RALGDS: variants seen among roughly 807,000 people sequenced by gnomAD.
RALGDS encodes ral guanine nucleotide exchange factor.
Under a neutral mutation model 99.8 loss-of-function variants are expected in RALGDS, and 44 were observed. That is an observed-to-expected ratio of 0.44 (90% confidence interval 0.35 to 0.57). The LOEUF (loss-of-function observed/expected upper bound fraction) is 0.57. RALGDS is among the 20% of genes least tolerant of loss of function. The pLI is 0.01. For missense variants in RALGDS, 1,022 were observed against 1,203.1 expected (o/e 0.85, Z 2.23); for synonymous variants, 529 against 505.0 (o/e 1.05, Z -0.64).
intron 1 of RALGDS, among the ~76,000 whole-genome samples, chr9:133,116,031 G>A (rs557169354): frequency 2.8e-4 from 42 of 152,360 alleles, no homozygotes; most frequent in Non-Finnish European, 4.6e-4. Flanking sequence ...GACAGGAGCC[G>A]GTGGGGCGTG....
intron 1 of RALGDS, among the ~76,000 whole-genome samples, chr9:133,143,738 CAAT>C (rs747330308): frequency 0.025 from 2,685 of 108,042 alleles, 52 homozygotes; most frequent in African/African-American, 0.043. Context: ...GACCCTGTCT[CAAT>C]AATAATAATA....
intron 7 of RALGDS, 36 bp downstream of exon 7, chr9:133,107,049 G>A (rs376868776): frequency 1.2e-6 from 2 of 1,608,054 alleles, no homozygotes; most frequent in Non-Finnish European, 1.7e-6. Flanking sequence ...AACAGATGAA[G>A]CCAAAGTGGG....
chr9:133,108,514 C>T (rs938415167), intron 5 of RALGDS, 108 bp from the exon 6 acceptor site: 29 of 1,425,136 alleles, frequency 2.0e-5, no homozygotes, highest in Non-Finnish European at 2.7e-5. Context: ...ACCCACAAAA[C>T]GTGTACCAGG....
At chr9:133,118,722 T>C (rs1387852972) in intron 1 of RALGDS, among the ~76,000 whole-genome samples, 1 of 152,226 alleles carries the variant, frequency 6.6e-6, no homozygotes, top group African/African-American at 2.4e-5. Flanking sequence ...ACTGCTCACC[T>C]GACCTCAGGG....
chr9:133,105,825 G>GGCCC, intron 9 of RALGDS, 107 bp downstream of exon 9: 20 of 87,568 alleles, frequency 2.3e-4, no homozygotes, highest in South Asian at 6.7e-4. Flanking sequence ...CGCCGCCCCA[G>GGCCC]CCCCCGCCCC....
chr9:133,130,968 C>T, exon 1 of RALGDS: 1 of 1,535,516 alleles, frequency 6.5e-7, no homozygotes, highest in Non-Finnish European at 8.7e-7. Flanking sequence ...GGGAACCTGG[C>T]CGGGTGGATG....
intron 1 of RALGDS, among the ~76,000 whole-genome samples, chr9:133,120,394 G>T (rs1440163174): frequency 6.6e-6 from 1 of 151,010 alleles, no homozygotes; most frequent in Non-Finnish European, 1.5e-5. Flanking sequence ...CTGGTCCCAC[G>T]TGTTGGAGGC....
Position 133,106,202 on chromosome 9 carries a change from T to G in RALGDS, c.1518-186A>C, listed in dbSNP as rs181382700. 6.1e-3 allele frequency among the ~76,000 whole-genome samples: 930 copies of G among 151,794 alleles called. 11 individuals are homozygous for G. Among genetic ancestry groups the G allele is most frequent in the African/African-American group, 0.022 (891 of 41,270 alleles). On this transcript the variant is annotated intron_variant, in intron 8 of 17. Coordinates refer to ENST00000372050, the MANE Select transcript of RALGDS (RefSeq NM_006266.4). The stretch of plus-strand genomic sequence containing the variant: ...TTCATGTTGGTGCAACAGGACCCCA[T>G]TCCCGTTTCCACTGAGCAGCTATTT...
Position 133,101,952 on chromosome 9 carries a change from C to G in RALGDS, c.2197G>C (p.Gly733Arg). ...NISFVPESPD[G>R]QEKKFWESAS... ...CAGGCAGTCACCTTCTTTTCCTGGC[C>G]ATCAGGAGACTCCGGGACGAAGCTG... Residue 733 changes from glycine (G) to arginine (R), a missense_variant, in exon 15 of 18, where the codon GGC becomes CGC. Coordinates refer to ENST00000372050, the MANE Select transcript of RALGDS (RefSeq NM_006266.4). The G allele has an allele frequency of 6.4e-7, 1 of 1,551,220 alleles. No homozygotes were observed. Among genetic ancestry groups the G allele is most frequent in the Non-Finnish European group, 8.7e-7 (1 of 1,147,084 alleles).
In RALGDS at chr9:133,107,204, C is replaced by T. The variant is rs1368400620; in HGVS notation, c.1294G>A (p.Ala432Thr). The change falls in exon 7 of 18, where the codon GCC becomes ACC. Residue 432 changes from alanine to threonine, a missense_variant. By Grantham distance (58) the Ala-to-Thr change is moderately conservative (BLOSUM62 0). Around this residue, in one of 3 missense-constraint regions of RALGDS, gnomAD observed 825 missense variants for 994.5 expected, o/e 0.83. Coordinates refer to ENST00000372050, the MANE Select transcript of RALGDS (RefSeq NM_006266.4). The part of the protein sequence containing the change: ...GKEHLAPTIR[A>T]TVTQFNSVAN... ...ACACTGTTGAACTGGGTGACAGTGGCGCGGATGGTGGGCGCCAGGTGCTCC... is the reference window on the plus strand; with the variant it reads ...ACACTGTTGAACTGGGTGACAGTGGTGCGGATGGTGGGCGCCAGGTGCTCC... 3.1e-6 allele frequency: 5 copies of T among 1,613,732 alleles called. No individual in the cohort carries two copies. Among genetic ancestry groups the T allele is most frequent in the South Asian group, 1.1e-5 (1 of 91,090 alleles).
chr9:133,108,203 C>A lies in RALGDS; in HGVS notation c.982G>T (p.Ala328Ser), dbSNP rs761822147. The A allele has an allele frequency of 1.2e-6, 2 of 1,613,366 alleles. No homozygotes were observed. The highest frequency in any genetic ancestry group is 1.7e-6 in the Non-Finnish European group (2 of 1,179,916). The change falls in exon 6 of 18, where the codon GCT (alanine) becomes TCT (serine). Residue 328 changes from alanine to serine, a missense_variant. Physicochemically the swap from Ala to Ser is moderately conservative, Grantham distance 99. This residue lies in a region of RALGDS where 825 missense variants were observed against 994.5 expected (regional missense o/e 0.83). Coordinates refer to ENST00000372050, the MANE Select transcript of RALGDS (RefSeq NM_006266.4). ...TCTAGTTCCAGAGCTGGCGCTGGAG[C>A]CGATTCTAGTCCCACAGCTGGCTCT... Reference protein sequence around the residue: ...APEPAVGLESAPAPALELEPA... With the variant: ...APEPAVGLESSPAPALELEPA...
At chr9:133,148,946 G>A (rs746729916) in intron 1 of RALGDS, 1 of 1,602,084 alleles carries the variant, frequency 6.2e-7, no homozygotes, top group South Asian at 1.1e-5. Flanking sequence ...GCGAGGCTGG[G>A]GACGGCGCGC....
chr9:133,116,085 T>C (rs1052847519), intron 1 of RALGDS, among the ~76,000 whole-genome samples: 2 of 152,204 alleles, frequency 1.3e-5, no homozygotes, highest in African/African-American at 4.8e-5. Flanking sequence ...TCTCAAGTCA[T>C]GAGCTCGGAC....
At chr9:133,131,621 T>C (rs528456179), upstream of RALGDS, among the ~76,000 whole-genome samples, 1 of 152,262 alleles carries the variant, frequency 6.6e-6, no homozygotes, top group East Asian at 1.9e-4. Flanking sequence ...CTGTTCTTTT[T>C]CATCTGGCAC....
Position 133,100,486 on chromosome 9 carries a change from A to G in RALGDS, c.2455-104T>C, listed in dbSNP as rs1246784397. 11 of 1,596,766 alleles carry G rather than the reference A, an allele frequency of 6.9e-6. No homozygotes were observed. In the African/African-American group the frequency reaches 1.5e-4, roughly 21 times the overall value. ...CTGGAGTCCCCTCAGCACCAAGCAC[A>G]GGCACTCACAGCCTCTGGCCAGGTG... On this transcript the variant is annotated intron_variant, in intron 16 of 17. Transcript: ENST00000372050.
intron 7 of RALGDS, 136 bp from the exon 8 acceptor site, chr9:133,106,884 G>A (rs1161434009): frequency 2.3e-5 from 21 of 898,558 alleles, no homozygotes; most frequent in Admixed American, 6.2e-5. Context: ...CCTGCGACCC[G>A]GGGGTGACAG....
At chr9:133,143,238 A>G (rs1337202579) in intron 1 of RALGDS, among the ~76,000 whole-genome samples, 1 of 152,122 alleles carries the variant, frequency 6.6e-6, no homozygotes, top group Non-Finnish European at 1.5e-5. Flanking sequence ...TGCCTTCTCC[A>G]CAAGATCTGT....
intron 1 of RALGDS, among the ~76,000 whole-genome samples, chr9:133,119,960 G>T (rs1387063282): frequency 6.6e-6 from 1 of 152,210 alleles, no homozygotes; most frequent in Non-Finnish European, 1.5e-5. Flanking sequence ...GAAGCGACTG[G>T]AGACGCAGCA....
chr9:133,101,360 T>C, intron 16 of RALGDS, 160 bp downstream of exon 16: 1 of 1,523,636 alleles, frequency 6.6e-7, no homozygotes, highest in Non-Finnish European at 9.0e-7. Context: ...AGGCCAGCCT[T>C]GTCCCTGATC....
Sources: gnomAD v4.1 joint callset for allele counts (sites outside exome capture counted in the v4.1 genomes callset) on GRCh38, gnomAD v4.1.1 for gene constraint, gnomAD v4.1.1 regional missense constraint, MANE v1.5 for transcripts, NCBI Gene and HGNC (gene_info 2026-07-23, HGNC 2026-07-21) for gene names.